TAMM41: variants seen among roughly 807,000 people sequenced by gnomAD.
TAMM41 encodes phosphatidate cytidylyltransferase, mitochondrial.
In TAMM41, 36 loss-of-function variants were observed where a neutral mutation model predicts 44.1. The observed-to-expected ratio is 0.82, with a 90% CI of 0.63 to 1.08. The LOEUF is 1.08. Ranked by LOEUF, TAMM41 falls within the 50% of genes least tolerant of loss-of-function variation. The pLI is 0.00. For missense variants in TAMM41, 417 were observed against 404.3 expected (o/e 1.03, Z -0.27); for synonymous variants, 164 against 153.1 (o/e 1.07, Z -0.53).
intron 4 of TAMM41, among the ~76,000 whole-genome samples, chr3:11,823,865 C>T (rs1337733663): frequency 1.5e-5 from 2 of 131,260 alleles, no homozygotes; most frequent in African/African-American, 3.0e-5. Flanking sequence ...CTTACTCGGT[C>T]GCCAGGCTGG....
chr3:11,807,585 A>G (rs1218205797), intron 7 of TAMM41: 6 of 1,536,160 alleles, frequency 3.9e-6, no homozygotes, highest in Non-Finnish European at 5.2e-6. Context: ...TGCACACAGG[A>G]AGTGTCTCAG....
At chr3:11,768,882 A>C in the TAMM41 span, among the ~76,000 whole-genome samples, 1 of 152,186 alleles carries the variant, frequency 6.6e-6, no homozygotes, top group Middle Eastern at 3.2e-3. Context: ...TCTGCTAGGC[A>C]CCTAGAAGGG....
chr3:11,807,285 G>T, intron 7 of TAMM41: 4 of 1,440,566 alleles, frequency 2.8e-6, no homozygotes, highest in Non-Finnish European at 3.6e-6. Flanking sequence ...ATATTAGGAG[G>T]ACAGAGGGAT....
chr3:11,768,029 G>T, the TAMM41 span, among the ~76,000 whole-genome samples: 1 of 151,188 alleles, frequency 6.6e-6, no homozygotes, highest in Non-Finnish European at 1.5e-5. Flanking sequence ...GTGTGAAGTG[G>T]CATCTTACTG....
In TAMM41 at chr3:11,844,127, A is replaced by T; in HGVS notation, c.220T>A (p.Ser74Thr). 1 of 1,614,262 alleles carries T rather than the reference A, an allele frequency of 6.2e-7. No homozygotes were observed. Among genetic ancestry groups the T allele is most frequent in the Non-Finnish European group, 8.5e-7 (1 of 1,180,046 alleles). Residue 74 changes from serine to threonine, a missense_variant, in exon 2 of 8, where the codon TCT becomes ACT. Ser to Thr is a moderately conservative substitution (Grantham distance 58). Coordinates refer to ENST00000455809, the MANE Select transcript of TAMM41 (RefSeq NM_001284401.2). ...TTGGGCCCTAAAACTTTTAGGAAAG[A>T]GTAGTGACTCCAATTTTTCTTCAGG... is the stretch of plus-strand genomic sequence containing the variant. ...KNLKKNWSHY[S>T]FLKVLGPKII...
the TAMM41 span, among the ~76,000 whole-genome samples, chr3:11,771,668 C>T: frequency 1.5e-4 from 23 of 152,114 alleles, no homozygotes; most frequent in South Asian, 1.5e-3. Context: ...CTGCAACCTC[C>T]GCCTCCCAGG....
At chr3:11,752,625 C>CTTTTTTTGTTTTTTTTTTT in the TAMM41 span, among the ~76,000 whole-genome samples, 1 of 39,938 alleles carries the variant, frequency 2.5e-5, no homozygotes, top group African/African-American at 8.6e-5. Context: ...TCTTACAAAG[C>CTTTTTTTGTTTTTTTTTTT]TTTTTTTTTT....
At chr3:11,746,025 G>A in the TAMM41 span, among the ~76,000 whole-genome samples, 4 of 152,168 alleles carry the variant, frequency 2.6e-5, no homozygotes, top group Admixed American at 6.5e-5. Flanking sequence ...TTTAGGCCGG[G>A]CGCGGTCGCT....
rs1461273717 is a variant in TAMM41, at chr3:11,817,247, C to T, written c.653G>A (p.Ser218Asn). 1.2e-6 allele frequency: 2 copies of T among 1,613,180 alleles called. No homozygotes were observed. The highest frequency in any genetic ancestry group is 3.3e-5 in the Admixed American group (2 of 60,008). The change falls in exon 5 of 8, where the codon AGC becomes AAC. Residue 218 changes from serine to asparagine, a missense_variant. By Grantham distance (46) the Ser-to-Asn change is conservative (BLOSUM62 1). Coordinates refer to ENST00000455809, the MANE Select transcript of TAMM41 (RefSeq NM_001284401.2). ...NIAHFRELYG[S>N]ILQENPQVVY... The stretch of plus-strand genomic sequence containing the variant: ...CACTTGAGGATTTTCCTGTAGTATG[C>T]TGCCATAGAGCTCTCGAAAGTGGGC...
At position 11,844,186 on chromosome 3, in the gene TAMM41, G is replaced by A; in HGVS notation, c.161C>T (p.Thr54Ile). Residue 54 changes from threonine to isoleucine, a missense_variant, in exon 2 of 8, where the codon ACA becomes ATA. By Grantham distance (89) the Thr-to-Ile change is moderately conservative. Coordinates refer to ENST00000455809, the MANE Select transcript of TAMM41 (RefSeq NM_001284401.2). ...ATGCCATGCGACAGGGTCATCTACT[G>A]TGAACACAAAGTCCAGCATAGCATT... ...QKNAMLDFVF[T>I]VDDPVAWHSK... 6.2e-7 allele frequency: 1 copy of A among 1,614,142 alleles called. No individual in the cohort carries two copies. Among genetic ancestry groups the A allele is most frequent in the Non-Finnish European group, 8.5e-7 (1 of 1,180,030 alleles).
chr3:11,781,875 G>A, the TAMM41 span, among the ~76,000 whole-genome samples: 4 of 152,042 alleles, frequency 2.6e-5, no homozygotes, highest in South Asian at 4.2e-4. Context: ...TCATCCCACC[G>A]GTAAGGTGAA....
intron 3 of TAMM41, 34 bp from the exon 4 acceptor site, chr3:11,829,898 CAG>C: frequency 6.2e-7 from 1 of 1,607,498 alleles, no homozygotes; most frequent in Non-Finnish European, 8.5e-7. Context: ...AGAAAAATTC[CAG>C]AAGTGGAGTA....
chr3:11,781,779 A>AATAATCATC, the TAMM41 span, among the ~76,000 whole-genome samples: 6 of 40,524 alleles, frequency 1.5e-4, no homozygotes, highest in South Asian at 5.7e-3. Flanking sequence ...TAATAATAAT[A>AATAATCATC]ATCATACAAA....
chr3:11,846,466 C>T (rs1366390267), intron 1 of TAMM41, 36 bp downstream of exon 1: 2 of 1,613,080 alleles, frequency 1.2e-6, no homozygotes, highest in Non-Finnish European at 1.7e-6. Context: ...CTCGTGAGAA[C>T]AGACAGTTCC....
the TAMM41 span, among the ~76,000 whole-genome samples, chr3:11,747,528 GGAGGCC>G: frequency 5.3e-5 from 8 of 152,096 alleles, no homozygotes; most frequent in Admixed American, 3.9e-4. Context: ...CAGAACTTCA[GGAGGCC>G]GAGGTGGGAT....
At chr3:11,813,950 A>G (rs952017921) in intron 5 of TAMM41, among the ~76,000 whole-genome samples, 4 of 148,774 alleles carry the variant, frequency 2.7e-5, no homozygotes, top group African/African-American at 7.4e-5. Flanking sequence ...GTGTATATAT[A>G]TGTATATATA....
At chr3:11,781,135 C>T in the TAMM41 span, among the ~76,000 whole-genome samples, 1 of 152,336 alleles carries the variant, frequency 6.6e-6, no homozygotes, top group Admixed American at 6.5e-5. Flanking sequence ...TGCTTTTCAT[C>T]TGCCACGTCC....
intron 5 of TAMM41, chr3:11,810,816 C>A (rs1298351367): frequency 6.6e-6 from 1 of 151,944 alleles, no homozygotes; most frequent in Admixed American, 6.6e-5. Flanking sequence ...GTAATCCCAA[C>A]AGTTTGGGAG....
intron 7 of TAMM41, among the ~76,000 whole-genome samples, chr3:11,797,437 T>C (rs910145005): frequency 1.3e-5 from 2 of 152,212 alleles, no homozygotes; most frequent in Admixed American, 1.3e-4. Context: ...GAAAACTGGT[T>C]AGCCATATGC....
Sources: allele counts gnomAD v4.1 joint callset (sites outside exome capture counted in the v4.1 genomes callset), GRCh38; gene constraint gnomAD v4.1.1; transcripts MANE v1.5; gene names NCBI Gene and HGNC (gene_info 2026-07-23, HGNC 2026-07-21).